Variants in SFXN2 observed in about 807,000 individuals in gnomAD.
The protein encoded by SFXN2 is sideroflexin-2.
Under a neutral mutation model 41.9 loss-of-function variants are expected in SFXN2, and 37 were observed. The observed-to-expected ratio is 0.88, with a 90% CI of 0.68 to 1.16. SFXN2 has a LOEUF of 1.16. Among genes scored for constraint, SFXN2 ranks in the 50% most tolerant of loss-of-function variants. The pLI is 0.00. For synonymous variants in SFXN2, 150 were observed against 156.7 expected, an observed-to-expected ratio of 0.96 and a Z score of 0.32; for missense variants, 386 against 425.2, an observed-to-expected ratio of 0.91 and a Z score of 0.81.
intron 1 of SFXN2, chr10:102,716,834 G>C (rs990559227): frequency 6.6e-6 from 1 of 152,144 alleles, no homozygotes; most frequent in East Asian, 1.9e-4. Context: ...CTCTCAAAGT[G>C]TTGGGATTAC....
At chr10:102,726,867 A>G in intron 2 of SFXN2, 70 bp downstream of exon 2, 1 of 1,597,164 alleles carries the variant, frequency 6.3e-7, no homozygotes, top group Non-Finnish European at 8.6e-7. Flanking sequence ...AGGAGGTGGA[A>G]ACCGAAGGTG....
chr10:102,718,420 T>C (rs2064449757), intron 1 of SFXN2, among the ~76,000 whole-genome samples: 1 of 152,274 alleles, frequency 6.6e-6, no homozygotes, highest in Non-Finnish European at 1.5e-5. Context: ...TTTAGGTTCA[T>C]GTAGAGCATG....
rs192571134 is a variant in SFXN2 at position 102,737,212 on chromosome 10, C to T, written c.870-451C>T. ...AAGGGACAGGCAGAGGGCTGACAAC[C>T]GAAACCCCTCTATTTCCTTTGTGTG... On this transcript the variant is annotated intron_variant, in intron 11 of 11. Coordinates refer to ENST00000369893, the MANE Select transcript of SFXN2 (RefSeq NM_178858.6). Among the ~76,000 whole-genome samples the T allele has an allele frequency of 3.7e-3, 559 of 152,050 alleles. 3 individuals are homozygous for T. Among genetic ancestry groups the T allele is most frequent in the Middle Eastern group, 6.8e-3 (2 of 294 alleles).
At position 102,738,061 on chromosome 10, in the gene SFXN2, G is replaced by A; in HGVS notation, c.*299G>A. 5.1e-6 allele frequency: 1 copy of A among 194,824 alleles called. No homozygotes were observed. The highest frequency in any genetic ancestry group is 1.1e-4 in the East Asian group (1 of 8,866). The allele number at this position is 194,824 out of a possible 1,614,324, so 12.1% of individuals were successfully genotyped here. A position where few individuals can be genotyped will look rare whatever the true frequency, so the allele number is the denominator to read the frequency against. ...AGGAGACATCCAAGCAAATCATTTGGAAAAGTTAGGAAACCTTTAGGATTC... is the reference window on the plus strand; with the variant it reads ...AGGAGACATCCAAGCAAATCATTTGAAAAAGTTAGGAAACCTTTAGGATTC... On this transcript the variant is annotated 3_prime_UTR_variant, in exon 12 of 12. Transcript: ENST00000369893.
chr10:102,739,764 T>A lies in SFXN2; in HGVS notation c.*2002T>A, dbSNP rs2064825729. 1 of 152,020 alleles carries A rather than the reference T, an allele frequency of 6.6e-6. No homozygotes were observed. The highest frequency in any genetic ancestry group is 3.4e-3 in the Middle Eastern group (1 of 294). The allele number at this position is 152,020 out of a possible 1,614,324, so 9.4% of individuals were successfully genotyped here. A position where few individuals can be genotyped will look rare whatever the true frequency, so the allele number is the denominator to read the frequency against. On this transcript the variant is annotated 3_prime_UTR_variant, in exon 12 of 12. Coordinates refer to ENST00000369893, the MANE Select transcript of SFXN2 (RefSeq NM_178858.6). ...CGATCTCTACTAAAAATACAAAAAA[T>A]TTGCTGGGTGTGGTGGCATACACCT...
intron 1 of SFXN2, among the ~76,000 whole-genome samples, chr10:102,726,116 A>G (rs1037830477): frequency 2.6e-5 from 4 of 151,788 alleles, no homozygotes; most frequent in African/African-American, 9.7e-5. Context: ...CGCCCGGCTC[A>G]TTTTTGTATT....
At chr10:102,726,384 T>A in intron 1 of SFXN2, 2 of 517,550 alleles carry the variant, frequency 3.9e-6, no homozygotes, top group East Asian at 6.9e-5. Flanking sequence ...TTCCAGTCCC[T>A]CCTGCTGTAT....
intron 1 of SFXN2, among the ~76,000 whole-genome samples, chr10:102,722,924 CCTTTTTTTTTTTT>C (rs2064529950): frequency 9.8e-6 from 1 of 102,326 alleles, no homozygotes; most frequent in South Asian, 3.2e-4. Context: ...CCAAGAAAGT[CCTTTTTTTTTTTT>C]TTTTTTTTTT....
intron 1 of SFXN2, among the ~76,000 whole-genome samples, chr10:102,718,023 T>TG (rs2064443183): frequency 6.6e-6 from 1 of 152,088 alleles, no homozygotes; most frequent in Admixed American, 6.5e-5. Flanking sequence ...GAGTGCCCAT[T>TG]GGGGGACAGT....
chr10:102,728,490 A>G lies in SFXN2; in HGVS notation c.392A>G (p.Asn131Ser), dbSNP rs1444613121. ...AACCAGTCCTTCAATGCCTTAGTCAACTACACCAACAGGAATGCGGCTTCC... is the reference window on the plus strand; with the variant it reads ...AACCAGTCCTTCAATGCCTTAGTCAGCTACACCAACAGGAATGCGGCTTCC... ...WVNQSFNALV[N>S]YTNRNAASPT... The change falls in exon 4 of 12, where the codon AAC (asparagine) becomes AGC (serine). Residue 131 changes from asparagine (N) to serine (S), a missense_variant. Physicochemically the swap from Asn to Ser is conservative, Grantham distance 46. Transcript: ENST00000369893. 6.2e-7 allele frequency: 1 copy of G among 1,613,832 alleles called. No individual in the cohort carries two copies. The highest frequency in any genetic ancestry group is 8.5e-7 in the Non-Finnish European group (1 of 1,179,888).
At chr10:102,722,373 A>G (rs899613736) in intron 1 of SFXN2, among the ~76,000 whole-genome samples, 2 of 152,068 alleles carry the variant, frequency 1.3e-5, no homozygotes, top group African/African-American at 2.4e-5. Flanking sequence ...AGTCCTCCCA[A>G]TTCTCCCCTC....
intron 1 of SFXN2, among the ~76,000 whole-genome samples, chr10:102,724,538 C>G (rs1051555693): frequency 2.0e-5 from 3 of 152,094 alleles, no homozygotes; most frequent in African/African-American, 7.2e-5. Context: ...CCCATCTCTA[C>G]TAAAAATACA....
In SFXN2 at chr10:102,742,100, TTGAC is replaced by T. The variant is rs1161571634; in HGVS notation, c.*4341_*4344del. ...ACTTTGACAGGTTTTTGAGAGGAAA[TTGAC>T]TGCTAAAGTCAACTGTGTTATTTGC... is the stretch of plus-strand genomic sequence containing the variant. On this transcript the variant is annotated 3_prime_UTR_variant, in exon 12 of 12. Coordinates refer to ENST00000369893, the MANE Select transcript of SFXN2 (RefSeq NM_178858.6). 1 of 152,176 alleles carries T rather than the reference TTGAC, an allele frequency of 6.6e-6. No homozygotes were observed. The highest frequency in any genetic ancestry group is 1.5e-5 in the Non-Finnish European group (1 of 68,022). 9.4% of individuals were successfully genotyped at this position (152,176 alleles called of 1,614,324 possible).
intron 1 of SFXN2, among the ~76,000 whole-genome samples, chr10:102,719,703 T>A (rs2064479105): frequency 6.6e-6 from 1 of 152,222 alleles, no homozygotes. Flanking sequence ...CACAGGCTGA[T>A]GAACTTCTTA....
At chr10:102,724,183 C>T (rs968345713) in intron 1 of SFXN2, among the ~76,000 whole-genome samples, 3 of 152,202 alleles carry the variant, frequency 2.0e-5, no homozygotes, top group Admixed American at 6.6e-5. Flanking sequence ...GACGTGATCT[C>T]GTTCTTTTTT....
At chr10:102,717,458 G>A (rs985388085) in intron 1 of SFXN2, among the ~76,000 whole-genome samples, 1 of 152,082 alleles carries the variant, frequency 6.6e-6, no homozygotes, top group Non-Finnish European at 1.5e-5. Flanking sequence ...ATCCTAGGAG[G>A]GAGATATCAT....
At chr10:102,736,539 C>G (rs2064781834) in intron 11 of SFXN2, among the ~76,000 whole-genome samples, 1 of 151,932 alleles carries the variant, frequency 6.6e-6, no homozygotes, top group Admixed American at 6.6e-5. Flanking sequence ...GCCTCAGCCT[C>G]ACGAGTAGCT....
At chr10:102,715,930 C>CAAA (rs11464783) in intron 1 of SFXN2, among the ~76,000 whole-genome samples, 4 of 94,958 alleles carry the variant, frequency 4.2e-5, no homozygotes, top group South Asian at 3.3e-4. Flanking sequence ...GACCCTGCCT[C>CAAA]AAAAAAAAAA....
chr10:102,732,765 G>C, intron 8 of SFXN2, 94 bp from the exon 9 acceptor site: 1 of 1,292,376 alleles, frequency 7.7e-7, no homozygotes, highest in Non-Finnish European at 1.1e-6. Context: ...TCTGCTGAAG[G>C]AGAGGGAACC....
Sources: allele counts gnomAD v4.1 joint callset (sites outside exome capture counted in the v4.1 genomes callset), GRCh38; gene constraint gnomAD v4.1.1; transcripts MANE v1.5; gene names NCBI Gene and HGNC (gene_info 2026-07-23, HGNC 2026-07-21).